Variants in ZAP70 observed in about 807,000 individuals in gnomAD.
The protein encoded by ZAP70 is tyrosine-protein kinase ZAP-70.
Under a neutral mutation model 65.8 loss-of-function variants are expected in ZAP70, and 27 were observed. The ratio of observed to expected loss-of-function variants is 0.41; its 90% confidence interval spans 0.30 to 0.57. The LOEUF is 0.57. Among genes scored for constraint, ZAP70 ranks in the 20% least tolerant of loss-of-function variants. ZAP70 has a pLI of 0.28. For synonymous variants in ZAP70, 363 were observed against 360.8 expected (o/e 1.01, Z -0.07); for missense variants, 696 against 870.5 (o/e 0.80, Z 2.52).
chr2:97,752,210 A>G, the ZAP70 span, among the ~76,000 whole-genome samples: 1 of 152,232 alleles, frequency 6.6e-6, no homozygotes, highest in Admixed American at 6.5e-5. Context: ...AGGGCCTTCA[A>G]GCTCTCCAGT....
At chr2:97,727,557 C>T (rs1677438560) in intron 4 of ZAP70, among the ~76,000 whole-genome samples, 1 of 152,192 alleles carries the variant, frequency 6.6e-6, no homozygotes, top group African/African-American at 2.4e-5. Flanking sequence ...TCGTCCATTA[C>T]ATGCTACCCC....
chr2:97,733,925 AGTGGCTATG>A (rs1326895435), intron 8 of ZAP70: 1 of 460,974 alleles, frequency 2.2e-6, no homozygotes, highest in Admixed American at 3.5e-5. Flanking sequence ...TGCCTTATGA[AGTGGCTATG>A]GTGATTAACC....
chr2:97,743,632 G>A (rs1170661144), downstream of ZAP70, among the ~76,000 whole-genome samples: 4 of 152,154 alleles, frequency 2.6e-5, no homozygotes, highest in Admixed American at 6.6e-5. Context: ...CACTGCACCC[G>A]GCCTCCTGTT....
At chr2:97,733,686 C>G in intron 8 of ZAP70, 91 bp downstream of exon 8, 1 of 1,542,312 alleles carries the variant, frequency 6.5e-7, no homozygotes. Flanking sequence ...ACGGGGGGCG[C>G]TGTGGGCCGG....
chr2:97,739,687 G>C lies in ZAP70; in HGVS notation c.*189G>C, dbSNP rs1345667060. The C allele has an allele frequency of 1.1e-6, 1 of 913,946 alleles. No homozygotes were observed. Among genetic ancestry groups the C allele is most frequent in the Admixed American group, 2.6e-5 (1 of 37,998 alleles). The allele number at this position is 913,946 out of a possible 1,614,324, so 56.6% of individuals were successfully genotyped here. ...CCCTGTCCTCTCTGGCTGGGGAGCA[G>C]GGAGGTCCGGGAGGGTGCGGCTGTG... On this transcript the variant is annotated 3_prime_UTR_variant, in exon 14 of 14. Transcript: ENST00000264972.
chr2:97,753,165 A>G, the ZAP70 span, among the ~76,000 whole-genome samples: 1 of 152,232 alleles, frequency 6.6e-6, no homozygotes, highest in African/African-American at 2.4e-5. Context: ...TTCTCTGATC[A>G]TAGACTATCC....
At chr2:97,722,201 C>G (rs1677190289) in intron 2 of ZAP70, among the ~76,000 whole-genome samples, 2 of 152,178 alleles carry the variant, frequency 1.3e-5, no homozygotes, top group South Asian at 2.1e-4. Flanking sequence ...CTGCCTCAGC[C>G]TCCCAAGTAG....
chr2:97,743,438 C>T (rs536712025), downstream of ZAP70, among the ~76,000 whole-genome samples: 16 of 152,332 alleles, frequency 1.1e-4, no homozygotes, highest in Middle Eastern at 3.4e-3. Flanking sequence ...CGGGTTCAAG[C>T]GATTCTCCTG....
chr2:97,745,216 C>G, the ZAP70 span, among the ~76,000 whole-genome samples: 71,694 of 151,922 alleles, frequency 0.47, 17,726 homozygotes, highest in Non-Finnish European at 0.51. Flanking sequence ...TTTTTGTCTT[C>G]TTAGTAGAGA....
Position 97,737,382 on chromosome 2 carries a change from C to A in ZAP70, c.1290-91C>A. The A allele has an allele frequency of 7.1e-7, 1 of 1,406,662 alleles. No homozygotes were observed. The highest frequency in any genetic ancestry group is 1.0e-6 in the Non-Finnish European group (1 of 998,444). 87.1% of individuals were successfully genotyped at this position (1,406,662 alleles called of 1,614,324 possible). A position where few individuals can be genotyped will look rare whatever the true frequency, so the allele number is the denominator to read the frequency against. On this transcript the variant is annotated intron_variant, in intron 10 of 13. Coordinates refer to ENST00000264972, the MANE Select transcript of ZAP70 (RefSeq NM_001079.4). This position sits in a 1 kb window ranked among gnomAD's most constrained non-coding sequence, Gnocchi z 5.0. ...CGTTTTTGAACACATGGTCACCTGG[C>A]TCATGCCCAGCTGGGTCAGAGAAGC...
intron 13 of ZAP70, chr2:97,738,701 C>T (rs903911252): frequency 5.9e-6 from 1 of 169,790 alleles, no homozygotes; most frequent in Non-Finnish European, 1.3e-5. Context: ...AACGCATGAC[C>T]CCCCACCGGC....
rs1243680276 is a variant in ZAP70, at chr2:97,715,395, ATCC to A, written c.-22+1406_-22+1408del. ...TGTTCCATTGTCTCTATCAGCCCCT[ATCC>A]TCCTGACTCACACCGCCTTTTCCCA... On this transcript the variant is annotated intron_variant, in intron 2 of 13. Transcript: ENST00000264972. The surrounding 1 kb of genome is among the most constrained non-coding windows in gnomAD (Gnocchi z 4.1). Among the ~76,000 whole-genome samples the A allele has an allele frequency of 6.6e-5, 10 of 152,140 alleles. No individual in the cohort carries two copies. Among genetic ancestry groups the A allele is most frequent in the Non-Finnish European group, 1.3e-4 (9 of 68,018 alleles).
At chr2:97,741,523 C>G (rs1442128438), downstream of ZAP70, among the ~76,000 whole-genome samples, 1 of 151,108 alleles carries the variant, frequency 6.6e-6, no homozygotes, top group Non-Finnish European at 1.5e-5. Context: ...GGTGATGTCC[C>G]CGAGGAAAGC....
At chr2:97,717,222 G>A (rs367552299) in intron 2 of ZAP70, among the ~76,000 whole-genome samples, 177 of 151,360 alleles carry the variant, frequency 1.2e-3, no homozygotes, top group African/African-American at 4.2e-3. Flanking sequence ...CAGAGAGAGA[G>A]AGCCAGGAGC....
chr2:97,753,491 T>C, the ZAP70 span, among the ~76,000 whole-genome samples: 1 of 152,200 alleles, frequency 6.6e-6, no homozygotes, highest in Non-Finnish European at 1.5e-5. Flanking sequence ...TCCGGAACAC[T>C]GACCCCTTTC....
intron 2 of ZAP70, among the ~76,000 whole-genome samples, chr2:97,723,699 A>C (rs945274956): frequency 2.0e-5 from 3 of 152,368 alleles, no homozygotes; most frequent in Admixed American, 2.0e-4. Context: ...CCGGGCCTGA[A>C]ACACAATAAT....
chr2:97,754,411 T>A, the ZAP70 span, among the ~76,000 whole-genome samples: 1 of 152,208 alleles, frequency 6.6e-6, no homozygotes, highest in South Asian at 2.1e-4. Flanking sequence ...TTCTTATCTT[T>A]TTTTTTGAGA....
chr2:97,728,754 C>G (rs1158066037), intron 4 of ZAP70, among the ~76,000 whole-genome samples: 1 of 152,054 alleles, frequency 6.6e-6, no homozygotes, highest in African/African-American at 2.4e-5. Context: ...AGTACATTGT[C>G]AAGTGTTTCT....
At position 97,733,204 on chromosome 2, in the gene ZAP70, A is replaced by G. The variant is rs1359245245; in HGVS notation, c.782A>G (p.Asn261Ser). The G allele has an allele frequency of 3.7e-6, 6 of 1,613,528 alleles. No individual in the cohort carries two copies. The East Asian group carries it at 1.1e-4, about 30-fold the overall frequency. Residue 261 changes from asparagine (N) to serine (S), a missense_variant, in exon 6 of 14, where the codon AAC becomes AGC. Physicochemically the swap from Asn to Ser is conservative, Grantham distance 46. Transcript: ENST00000264972. ...KEACPNSSAS[N>S]ASGAAAPTLP... ...GCCTGCCCCAACAGCAGTGCCAGCA[A>G]CGCCTCAGGTGACGGCAGCAGGCGG...
Sources: gnomAD v4.1 joint callset for allele counts (sites outside exome capture counted in the v4.1 genomes callset) on GRCh38, gnomAD v4.1.1 for gene constraint, Gnocchi (gnomAD v3.1) non-coding constraint, MANE v1.5 for transcripts, NCBI Gene and HGNC (gene_info 2026-07-23, HGNC 2026-07-21) for gene names.